Variants in POFUT1 observed in about 807,000 individuals in gnomAD.
POFUT1 encodes the protein GDP-fucose protein O-fucosyltransferase 1.
POFUT1 carries 16 observed loss-of-function variants against 42.4 expected under a neutral mutation model. The ratio of observed to expected loss-of-function variants is 0.38; its 90% CI spans 0.26 to 0.57. The LOEUF is 0.57. POFUT1 is among the 20% of genes least tolerant of loss of function. POFUT1 has a pLI of 0.71. For missense variants in POFUT1, 470 were observed against 504.6 expected, an observed-to-expected ratio of 0.93 and a Z score of 0.66; for synonymous variants, 206 against 205.4, an observed-to-expected ratio of 1.00 and a Z score of -0.03.
In POFUT1 at chr20:32,207,921, G is replaced by A. The variant is rs746712480; in HGVS notation, c.-21G>A. The A allele has an allele frequency of 2.5e-6, 4 of 1,573,992 alleles. No individual in the cohort carries two copies. In the East Asian group the frequency reaches 7.0e-5, roughly 27 times the overall value. On this transcript the variant is annotated 5_prime_UTR_variant, in exon 1 of 7. Transcript: ENST00000375749. ...CCCTCCCCGACTGTGCGCCGCGGCT[G>A]GCTCGGGTTCCCGGGCCGACATGGG...
At chr20:32,228,015 T>C (rs932314433) in intron 4 of POFUT1, among the ~76,000 whole-genome samples, 2 of 152,182 alleles carry the variant, frequency 1.3e-5, no homozygotes, top group East Asian at 1.9e-4. Flanking sequence ...GTTTTAATTG[T>C]TCGACAAGCA....
intron 4 of POFUT1, chr20:32,217,147 AG>A: frequency 6.4e-7 from 1 of 1,555,300 alleles, no homozygotes; most frequent in South Asian, 1.2e-5. Flanking sequence ...GCACCCCATT[AG>A]CCCCTGTTTT....
chr20:32,222,668 G>A (rs2047396677), intron 4 of POFUT1: 2 of 985,382 alleles, frequency 2.0e-6, no homozygotes, highest in African/African-American at 1.7e-5. Flanking sequence ...GGGTTCGAGG[G>A]AAAGAGGATA....
At chr20:32,223,424 C>G in intron 4 of POFUT1, 17 of 985,392 alleles carry the variant, frequency 1.7e-5, no homozygotes, top group Non-Finnish European at 2.0e-5. Context: ...TGGTCCAGAT[C>G]CAGGTAGAGG....
Position 32,237,680 on chromosome 20 carries a change from A to G in POFUT1, c.*3019A>G, listed in dbSNP as rs1402975695. ...CTAGGGTTCTGAGCAGAAGAGGGGCATGAGCTGATTCACATTCTGAAGGAC... is the reference window on the plus strand; with the variant it reads ...CTAGGGTTCTGAGCAGAAGAGGGGCGTGAGCTGATTCACATTCTGAAGGAC... On this transcript the variant is annotated 3_prime_UTR_variant, in exon 7 of 7. Transcript: ENST00000375749. 4.4e-6 allele frequency: 2 copies of G among 457,454 alleles called. No individual in the cohort carries two copies. Among genetic ancestry groups the G allele is most frequent in the Admixed American group, 5.0e-5 (2 of 39,612 alleles). 28.3% of individuals were successfully genotyped at this position (457,454 alleles called of 1,614,324 possible).
chr20:32,208,693 T>A (rs1275426738), intron 1 of POFUT1, among the ~76,000 whole-genome samples: 1 of 149,136 alleles, frequency 6.7e-6, no homozygotes, highest in African/African-American at 2.5e-5. Context: ...TATCGTGTGC[T>A]TGTAGTCCCT....
chr20:32,208,796 C>T lies in POFUT1; in HGVS notation c.124+731C>T, dbSNP rs577548293. ...GCTGCAGTGAGCTCTGATCGTGCCA[C>T]CGCACTGCCAGCCTGGGTGACAGAG... On this transcript the variant is annotated intron_variant, in intron 1 of 6. Coordinates refer to ENST00000375749, the MANE Select transcript of POFUT1 (RefSeq NM_015352.2). 3.9e-5 allele frequency among the ~76,000 whole-genome samples: 6 copies of T among 152,260 alleles called. No individual in the cohort carries two copies. The South Asian group carries it at 1.2e-3, about 32-fold the overall frequency.
intron 2 of POFUT1, among the ~76,000 whole-genome samples, chr20:32,211,011 C>T (rs958255778): frequency 8.5e-5 from 13 of 152,206 alleles, no homozygotes; most frequent in Admixed American, 5.2e-4. Flanking sequence ...TACCAGAGAT[C>T]ATAGTCTGAC....
chr20:32,219,391 T>C (rs2047379077), intron 4 of POFUT1, among the ~76,000 whole-genome samples: 1 of 152,084 alleles, frequency 6.6e-6, no homozygotes, highest in Non-Finnish European at 1.5e-5. Flanking sequence ...AAGCTTGGTA[T>C]GGTGAAGGAG....
At chr20:32,209,129 T>G (rs1218603218) in intron 1 of POFUT1, among the ~76,000 whole-genome samples, 1 of 152,144 alleles carries the variant, frequency 6.6e-6, no homozygotes, top group Admixed American at 6.5e-5. Flanking sequence ...CAGCCACACT[T>G]AACTCCTTTG....
intron 6 of POFUT1, 64 bp from the exon 7 acceptor site, chr20:32,234,409 G>A (rs1274505828): frequency 7.1e-7 from 1 of 1,400,308 alleles, no homozygotes; most frequent in African/African-American, 1.4e-5. Flanking sequence ...AAGGTTGGGG[G>A]TGTGGATGGC....
chr20:32,213,677 A>G (rs912240918), intron 2 of POFUT1, among the ~76,000 whole-genome samples: 9 of 152,032 alleles, frequency 5.9e-5, no homozygotes, highest in Non-Finnish European at 1.3e-4. Flanking sequence ...AGGCTGAGGC[A>G]GGAGAATCGC....
At chr20:32,210,526 G>C (rs2047322207) in intron 2 of POFUT1, among the ~76,000 whole-genome samples, 1 of 152,222 alleles carries the variant, frequency 6.6e-6, no homozygotes, top group East Asian at 1.9e-4. Flanking sequence ...CAGAGCCTGT[G>C]ACTTGAACCT....
At chr20:32,227,023 G>T (rs1458890646) in intron 4 of POFUT1, among the ~76,000 whole-genome samples, 1 of 152,136 alleles carries the variant, frequency 6.6e-6, no homozygotes, top group Admixed American at 6.5e-5. Context: ...TTCCAGAATG[G>T]CTGTTCCCAT....
chr20:32,225,998 C>T (rs2047412986), intron 4 of POFUT1, among the ~76,000 whole-genome samples: 1 of 152,176 alleles, frequency 6.6e-6, no homozygotes, highest in South Asian at 2.1e-4. Context: ...CAGAAGAACA[C>T]TCCCCTCCTT....
chr20:32,225,045 G>C (rs1315209801), intron 4 of POFUT1, among the ~76,000 whole-genome samples: 1 of 152,130 alleles, frequency 6.6e-6, no homozygotes, highest in Non-Finnish European at 1.5e-5. Flanking sequence ...TAAATGCTTT[G>C]CTTTGATAAT....
At chr20:32,216,144 T>G (rs532849164) in intron 3 of POFUT1, among the ~76,000 whole-genome samples, 107 of 152,342 alleles carry the variant, frequency 7.0e-4, no homozygotes, top group Middle Eastern at 3.4e-3. Context: ...GGAAAGTGGT[T>G]GGAAGAACTA....
At chr20:32,229,076 C>T (rs1179484414) in intron 5 of POFUT1, among the ~76,000 whole-genome samples, 1 of 152,196 alleles carries the variant, frequency 6.6e-6, no homozygotes. Flanking sequence ...CCACTAAACT[C>T]TCCTCTTTCC....
At chr20:32,217,728 T>G (rs2047369990) in intron 4 of POFUT1, 8 of 985,378 alleles carry the variant, frequency 8.1e-6, no homozygotes, top group Non-Finnish European at 9.6e-6. Context: ...TGGCTGTCAG[T>G]GTTATTACTC....
Sources: allele counts gnomAD v4.1 joint callset (sites outside exome capture counted in the v4.1 genomes callset), GRCh38; gene constraint gnomAD v4.1.1; transcripts MANE v1.5; gene names NCBI Gene and HGNC (gene_info 2026-07-23, HGNC 2026-07-21).